The following MBOAT2 variants were observed in gnomAD, a reference collection of about 807,000 sequenced individuals.
MBOAT2 encodes membrane-bound glycerophospholipid O-acyltransferase 2.
Under a neutral mutation model 63.4 loss-of-function variants are expected in MBOAT2, and 28 were observed. The observed-to-expected ratio is 0.44, with a 90% confidence interval of 0.33 to 0.61. The LOEUF (loss-of-function observed/expected upper bound fraction) is 0.61, where lower values mean the gene tolerates loss of function less well. MBOAT2 is among the 20% of genes least tolerant of loss of function. The pLI, the probability that MBOAT2 is intolerant of heterozygous loss-of-function variation, is 0.03. For missense variants in MBOAT2, 470 were observed against 605.8 expected (o/e 0.78, Z 2.35); for synonymous variants, 211 against 215.6 (o/e 0.98, Z 0.19).
In MBOAT2 at chr2:8,864,248, AAACTTTTTTC is replaced by A. The variant is rs764087899; in HGVS notation, c.988-24_988-15del. The A allele has an allele frequency of 6.6e-6, 10 of 1,524,550 alleles. No homozygotes were observed. Among genetic ancestry groups the A allele is most frequent in the Non-Finnish European group, 7.1e-6 (8 of 1,130,852 alleles). 94.4% of individuals were successfully genotyped at this position (1,524,550 alleles called of 1,614,324 possible). ...ACTTGTTGACATCTGAAAAAAAAGG[AAACTTTTTTC>A]TTTGTGTCACAAAATAATGAAGCTT... On this transcript the variant is annotated splice_polypyrimidine_tract_variant and intron_variant, in intron 9 of 12. Coordinates refer to ENST00000305997, the MANE Select transcript of MBOAT2 (RefSeq NM_138799.4).
chr2:8,865,900 G>A (rs1181271530), intron 9 of MBOAT2, among the ~76,000 whole-genome samples: 1 of 152,212 alleles, frequency 6.6e-6, no homozygotes. Flanking sequence ...GGCCGGGCGT[G>A]GTGGCAGGCA....
intron 9 of MBOAT2, among the ~76,000 whole-genome samples, chr2:8,864,560 C>G (rs998997367): frequency 6.6e-6 from 1 of 152,158 alleles, no homozygotes; most frequent in Non-Finnish European, 1.5e-5. Context: ...CCCTCTCACA[C>G]TGAAAACTGG....
At position 8,857,660 on chromosome 2, in the gene MBOAT2, C is replaced by T. The variant is rs1270999147; in HGVS notation, c.*1019G>A. On this transcript the variant is annotated 3_prime_UTR_variant, in exon 13 of 13. Coordinates refer to ENST00000305997, the MANE Select transcript of MBOAT2 (RefSeq NM_138799.4). ...ATTAGCCAGATAGTAACCTACCTAGCGATTTCTCTTTCAAAACCTTTGAGC... is the reference window on the plus strand; with the variant it reads ...ATTAGCCAGATAGTAACCTACCTAGTGATTTCTCTTTCAAAACCTTTGAGC... 6.6e-6 allele frequency: 1 copy of T among 152,180 alleles called. No homozygotes were observed. The highest frequency in any genetic ancestry group is 1.5e-5 in the Non-Finnish European group (1 of 68,032). 9.4% of individuals were successfully genotyped at this position (152,180 alleles called of 1,614,324 possible).
Position 8,993,545 on chromosome 2 carries a change from C to T in MBOAT2, c.75+9995G>A, listed in dbSNP as rs187520923. Among the ~76,000 whole-genome samples, 12 of 152,236 alleles carry T rather than the reference C, an allele frequency of 7.9e-5. No individual in the cohort carries two copies. In the East Asian group the frequency reaches 2.1e-3, roughly 27 times the overall value. On this transcript the variant is annotated intron_variant, in intron 1 of 12. Transcript: ENST00000305997. ...CCTGCCTTCTACCTAGCCCAGGAGG[C>T]GTGAGTGCCAATGAAAGACAGGAAA...
intron 1 of MBOAT2, among the ~76,000 whole-genome samples, chr2:8,975,028 A>G (rs1670719830): frequency 1.3e-5 from 2 of 152,150 alleles, no homozygotes; most frequent in South Asian, 4.1e-4. Flanking sequence ...CTCACAAACA[A>G]TGAAGATGAA....
At position 8,862,494 on chromosome 2, in the gene MBOAT2, A is replaced by G. The variant is rs372044467; in HGVS notation, c.1185+96T>C. ...GGAAAGGACAATACTGACCACGACC[A>G]AGGAAAGAGGGTCTACCTTGTAAGA... is the stretch of plus-strand genomic sequence containing the variant. On this transcript the variant is annotated intron_variant, in intron 11 of 12. Coordinates refer to ENST00000305997, the MANE Select transcript of MBOAT2 (RefSeq NM_138799.4). This position sits in a 1 kb window ranked among gnomAD's most constrained non-coding sequence, Gnocchi z 4.3. 2.0e-6 allele frequency: 3 copies of G among 1,468,424 alleles called. No homozygotes were observed. Among genetic ancestry groups the G allele is most frequent in the East Asian group, 2.3e-5 (1 of 43,972 alleles). 91.0% of individuals were successfully genotyped at this position (1,468,424 alleles called of 1,614,324 possible).
intron 1 of MBOAT2, among the ~76,000 whole-genome samples, chr2:8,977,882 T>A (rs1670930531): frequency 6.6e-6 from 1 of 152,050 alleles, no homozygotes; most frequent in Admixed American, 6.6e-5. Flanking sequence ...TCTCCTGCCC[T>A]CCACAAGGAA....
chr2:8,945,961 G>T (rs1034001174), intron 2 of MBOAT2, among the ~76,000 whole-genome samples: 2 of 152,142 alleles, frequency 1.3e-5, no homozygotes, highest in African/African-American at 4.8e-5. Context: ...GACCGTTTAT[G>T]TCCTCACAGA....
chr2:8,906,015 T>C (rs1665298997), intron 4 of MBOAT2, among the ~76,000 whole-genome samples: 1 of 152,226 alleles, frequency 6.6e-6, no homozygotes, highest in Non-Finnish European at 1.5e-5. Flanking sequence ...TGGAGTGCAG[T>C]GGTGCAATCT....
chr2:8,888,833 C>A (rs1452604251), intron 4 of MBOAT2, among the ~76,000 whole-genome samples: 5 of 151,858 alleles, frequency 3.3e-5, no homozygotes, highest in African/African-American at 1.2e-4. Flanking sequence ...TCTGAGACCA[C>A]CCTGGTCAAC....
intron 4 of MBOAT2, among the ~76,000 whole-genome samples, chr2:8,907,907 A>G (rs569801968): frequency 1.4e-3 from 207 of 152,168 alleles, no homozygotes; most frequent in African/African-American, 4.8e-3. Context: ...CAGAGGTAAC[A>G]TGATTTTTCC....
At chr2:8,946,379 A>G (rs1026911852) in intron 2 of MBOAT2, among the ~76,000 whole-genome samples, 2 of 152,240 alleles carry the variant, frequency 1.3e-5, no homozygotes, top group Non-Finnish European at 2.9e-5. Flanking sequence ...ATTAAAGTCT[A>G]AATTAATTCT....
chr2:8,890,105 C>G (rs1169155308), intron 4 of MBOAT2, among the ~76,000 whole-genome samples: 1 of 152,174 alleles, frequency 6.6e-6, no homozygotes, highest in Non-Finnish European at 1.5e-5. Flanking sequence ...GGAGGGAAGG[C>G]AGGAAACAGA....
chr2:8,900,194 T>C (rs1000561028), intron 4 of MBOAT2, among the ~76,000 whole-genome samples: 2 of 152,106 alleles, frequency 1.3e-5, no homozygotes, highest in African/African-American at 4.8e-5. Flanking sequence ...ATGATCTGAG[T>C]TGAGGTCCCA....
chr2:8,968,376 T>G (rs2103301820), intron 1 of MBOAT2, among the ~76,000 whole-genome samples: 1 of 152,306 alleles, frequency 6.6e-6, no homozygotes, highest in East Asian at 1.9e-4. Flanking sequence ...AAACCCCATC[T>G]GTATGTCACC....
chr2:8,977,168 A>G (rs1670877010), intron 1 of MBOAT2, among the ~76,000 whole-genome samples: 1 of 152,106 alleles, frequency 6.6e-6, no homozygotes, highest in Non-Finnish European at 1.5e-5. Flanking sequence ...CAAATTTTAC[A>G]CTTTTACTAT....
At chr2:8,956,008 A>G (rs1311733426) in intron 2 of MBOAT2, among the ~76,000 whole-genome samples, 1 of 152,204 alleles carries the variant, frequency 6.6e-6, no homozygotes, top group African/African-American at 2.4e-5. Context: ...ATTATATTGC[A>G]TACTTAATAG....
chr2:8,959,072 C>T (rs1669434218), intron 1 of MBOAT2, among the ~76,000 whole-genome samples: 1 of 152,096 alleles, frequency 6.6e-6, no homozygotes, highest in African/African-American at 2.4e-5. Context: ...GGTCAATGTC[C>T]CCAAGTTCCC....
intron 1 of MBOAT2, 76 bp from the exon 2 acceptor site, chr2:8,958,718 A>C: frequency 7.3e-7 from 1 of 1,367,166 alleles, no homozygotes; most frequent in Non-Finnish European, 9.7e-7. Flanking sequence ...TGAAATTCTC[A>C]GGACAAAAAC....
Sources: allele counts gnomAD v4.1 joint callset (sites outside exome capture counted in the v4.1 genomes callset), GRCh38; gene constraint gnomAD v4.1.1; non-coding constraint Gnocchi (gnomAD v3.1); transcripts MANE v1.5; gene names NCBI Gene and HGNC (gene_info 2026-07-23, HGNC 2026-07-21).